The following CHCHD6 variants were observed in gnomAD, a reference collection of about 807,000 sequenced individuals.
CHCHD6 encodes the protein coiled-coil-helix-coiled-coil-helix domain containing 6, also known as MICOS complex subunit MIC25.
CHCHD6 carries 28 observed loss-of-function variants against 32.3 expected under a neutral mutation model. The observed-to-expected ratio is 0.87, with a 90% confidence interval of 0.64 to 1.19. The LOEUF (loss-of-function observed/expected upper bound fraction) is 1.19, where lower values mean the gene tolerates loss of function less well. Ranked by LOEUF, CHCHD6 falls within the 50% of genes most tolerant of loss-of-function variation. The probability of loss-of-function intolerance (pLI) is 0.00; values close to 1 mark genes in which losing one functional copy is unlikely to be tolerated. For synonymous variants in CHCHD6, 122 were observed against 117.5 expected, an observed-to-expected ratio of 1.04 and a Z score of -0.25; for missense variants, 333 against 307.0, an observed-to-expected ratio of 1.08 and a Z score of -0.63.
chr3:126,801,447 T>C (rs1392362801), intron 4 of CHCHD6, among the ~76,000 whole-genome samples: 1 of 151,932 alleles, frequency 6.6e-6, no homozygotes, highest in African/African-American at 2.4e-5. Context: ...GCCCACGGAG[T>C]CTTGCTGATT....
At position 126,777,143 on chromosome 3, in the gene CHCHD6, C is replaced by A. The variant is rs563102195; in HGVS notation, c.411+43921C>A. Among the ~76,000 whole-genome samples the A allele has an allele frequency of 4.3e-4, 66 of 152,298 alleles. 1 individual carries two copies. In the South Asian group the frequency reaches 0.013, roughly 31 times the overall value. Reference sequence around the variant, plus strand: ...CATTTCTTCTCCCCTCCCTTGAAACCCATAGCATTTCTTTATAATACTTAT... The same window carrying A: ...CATTTCTTCTCCCCTCCCTTGAAACACATAGCATTTCTTTATAATACTTAT... On this transcript the variant is annotated intron_variant, in intron 4 of 7. Coordinates refer to ENST00000290913, the MANE Select transcript of CHCHD6 (RefSeq NM_032343.3).
At chr3:126,929,024 G>A (rs1398453162) in intron 6 of CHCHD6, among the ~76,000 whole-genome samples, 1 of 152,216 alleles carries the variant, frequency 6.6e-6, no homozygotes, top group Non-Finnish European at 1.5e-5. Flanking sequence ...ACAGCTCAGG[G>A]CTGACTCTTG....
intron 4 of CHCHD6, among the ~76,000 whole-genome samples, chr3:126,811,073 A>G (rs1939634609): frequency 6.6e-6 from 1 of 152,210 alleles, no homozygotes; most frequent in Non-Finnish European, 1.5e-5. Flanking sequence ...ATAGAGCTCT[A>G]ATGAATACCA....
At chr3:126,927,251 C>T (rs1033014295) in intron 6 of CHCHD6, among the ~76,000 whole-genome samples, 47 of 152,310 alleles carry the variant, frequency 3.1e-4, no homozygotes, top group Non-Finnish European at 6.0e-4. Flanking sequence ...AGGCATGGGG[C>T]ATGCGCTGAA....
chr3:126,906,599 G>T (rs946960719), intron 5 of CHCHD6, among the ~76,000 whole-genome samples: 8 of 152,188 alleles, frequency 5.3e-5, no homozygotes, highest in African/African-American at 1.9e-4. Flanking sequence ...TCGGACTTCT[G>T]CCCAGTGTCA....
At chr3:126,910,273 GA>G (rs547565601) in intron 5 of CHCHD6, among the ~76,000 whole-genome samples, 21 of 111,458 alleles carry the variant, frequency 1.9e-4, no homozygotes, top group African/African-American at 4.8e-4. Flanking sequence ...CCTGCCTCAG[GA>G]AAAAAAAAAA....
At chr3:126,937,767 G>C (rs1443733427) in intron 6 of CHCHD6, among the ~76,000 whole-genome samples, 1 of 152,170 alleles carries the variant, frequency 6.6e-6, no homozygotes, top group African/African-American at 2.4e-5. Context: ...GACCACAGCA[G>C]GCATGTATTG....
At chr3:126,807,148 T>C (rs1254879553) in intron 4 of CHCHD6, among the ~76,000 whole-genome samples, 2 of 150,884 alleles carry the variant, frequency 1.3e-5, no homozygotes, top group Non-Finnish European at 2.9e-5. Context: ...TGTATACATA[T>C]GTAACTAACC....
intron 4 of CHCHD6, chr3:126,766,314 A>G: frequency 2.7e-6 from 1 of 375,674 alleles, no homozygotes; most frequent in Non-Finnish European, 5.1e-6. Flanking sequence ...GAGTCTAAAC[A>G]AAAATGCACC....
At chr3:126,753,185 A>AT (rs1015709791) in intron 4 of CHCHD6, among the ~76,000 whole-genome samples, 7 of 151,734 alleles carry the variant, frequency 4.6e-5, no homozygotes, top group African/African-American at 1.5e-4. Context: ...AGCCAAGGGG[A>AT]TTTTTTCAGG....
At chr3:126,896,943 T>A (rs1307669522) in intron 5 of CHCHD6, among the ~76,000 whole-genome samples, 1 of 152,162 alleles carries the variant, frequency 6.6e-6, no homozygotes, top group East Asian at 1.9e-4. Context: ...TCCCATCCTT[T>A]CAGTTTGAAT....
At chr3:126,928,627 A>G (rs774979007) in intron 6 of CHCHD6, among the ~76,000 whole-genome samples, 1 of 152,176 alleles carries the variant, frequency 6.6e-6, no homozygotes, top group South Asian at 2.1e-4. Context: ...TGGTGTAGCT[A>G]GATCCAGGAG....
intron 4 of CHCHD6, among the ~76,000 whole-genome samples, chr3:126,827,256 T>C (rs1940435111): frequency 6.6e-6 from 1 of 152,196 alleles, no homozygotes; most frequent in Admixed American, 6.5e-5. Flanking sequence ...CAATCAGATG[T>C]GTGTCCTGGG....
intron 5 of CHCHD6, among the ~76,000 whole-genome samples, chr3:126,912,888 C>T (rs1437034681): frequency 1.3e-5 from 2 of 152,218 alleles, no homozygotes; most frequent in Non-Finnish European, 2.9e-5. Context: ...GTGGGGGGTC[C>T]ATCCCTGCCT....
chr3:126,727,025 C>A, intron 1 of CHCHD6, 53 bp from the exon 2 acceptor site: 1 of 1,296,018 alleles, frequency 7.7e-7, no homozygotes, highest in Non-Finnish European at 1.1e-6. Context: ...GGCTTTGCTT[C>A]CAGGCACTTC....
intron 6 of CHCHD6, among the ~76,000 whole-genome samples, chr3:126,925,954 C>T (rs1421245161): frequency 6.6e-6 from 1 of 152,218 alleles, no homozygotes; most frequent in Non-Finnish European, 1.5e-5. Flanking sequence ...GTGGCGGGCT[C>T]TGTGCCAGAG....
At chr3:126,943,023 A>G (rs529497050) in intron 6 of CHCHD6, among the ~76,000 whole-genome samples, 55 of 152,100 alleles carry the variant, frequency 3.6e-4, no homozygotes, top group Non-Finnish European at 6.2e-4. Flanking sequence ...CCCTTCTCAT[A>G]GAGCATGAGA....
At chr3:126,750,881 A>G (rs1262616473) in intron 4 of CHCHD6, among the ~76,000 whole-genome samples, 1 of 152,240 alleles carries the variant, frequency 6.6e-6, no homozygotes, top group African/African-American at 2.4e-5. Context: ...TCCTCCAGGA[A>G]CTGACATCAT....
intron 4 of CHCHD6, among the ~76,000 whole-genome samples, chr3:126,825,319 T>C (rs1307678698): frequency 1.3e-5 from 2 of 152,220 alleles, no homozygotes; most frequent in Non-Finnish European, 2.9e-5. Flanking sequence ...ATGTATTTTA[T>C]CATAAGGCCT....
Sources: gnomAD v4.1 joint callset for allele counts (sites outside exome capture counted in the v4.1 genomes callset) on GRCh38, gnomAD v4.1.1 for gene constraint, MANE v1.5 for transcripts, NCBI Gene and HGNC (gene_info 2026-07-23, HGNC 2026-07-21) for gene names.